Variants in IGSF21 observed in about 807,000 individuals in gnomAD.
IGSF21 encodes the protein immunoglobulin superfamily member 21.
IGSF21 carries 28 observed loss-of-function variants against 46.8 expected under a neutral mutation model. The observed-to-expected ratio is 0.60, with a 90% confidence interval of 0.44 to 0.82. IGSF21 has a LOEUF of 0.82. Ranked by LOEUF, IGSF21 falls within the 40% of genes least tolerant of loss-of-function variation. The pLI, the probability that IGSF21 is intolerant of heterozygous loss-of-function variation, is 0.00. For synonymous variants in IGSF21, 284 were observed against 273.6 expected (o/e 1.04, Z -0.38); for missense variants, 624 against 665.5 (o/e 0.94, Z 0.69).
rs543343217 is a variant in IGSF21 at position 18,115,059 on chromosome 1, T to C, written c.70+6861T>C. On this transcript the variant is annotated intron_variant, in intron 1 of 9. Transcript: ENST00000251296. ...ACTGACATGCCCAGGGTCACACAGC[T>C]TGAGACAAGAGCTCACTGTCTCCCC... The C allele has an allele frequency of 3.3e-5, 5 of 152,448 alleles. No homozygotes were observed. In the East Asian group the frequency reaches 9.6e-4, roughly 29 times the overall value. The allele number at this position is 152,448 out of a possible 1,614,324, so 9.4% of individuals were successfully genotyped here. A position where few individuals can be genotyped will look rare whatever the true frequency, so the allele number is the denominator to read the frequency against.
chr1:18,215,691 A>G (rs929963318), intron 1 of IGSF21, among the ~76,000 whole-genome samples: 1 of 152,170 alleles, frequency 6.6e-6, no homozygotes, highest in Non-Finnish European at 1.5e-5. Flanking sequence ...CTCAGGGTGC[A>G]AAAGATAGAA....
At chr1:18,359,219 T>C (rs851739) in intron 4 of IGSF21, among the ~76,000 whole-genome samples, 124,275 of 142,292 alleles carry the variant, frequency 0.87, 54,194 homozygotes, top group Non-Finnish European at 0.89. Flanking sequence ...TCAAGGCTGC[T>C]GTGAGCCATG....
intron 3 of IGSF21, among the ~76,000 whole-genome samples, chr1:18,296,157 G>T (rs1455247112): frequency 6.6e-6 from 1 of 152,182 alleles, no homozygotes; most frequent in Non-Finnish European, 1.5e-5. Flanking sequence ...GAAGGCACCC[G>T]TATTGGCTTC....
In IGSF21 at chr1:18,378,383, T is replaced by C; in HGVS notation, c.*57T>C. 7.2e-7 allele frequency: 1 copy of C among 1,392,356 alleles called. No homozygotes were observed. The highest frequency in any genetic ancestry group is 1.0e-6 in the Non-Finnish European group (1 of 989,770). The allele number at this position is 1,392,356 out of a possible 1,614,324, so 86.3% of individuals were successfully genotyped here. On this transcript the variant is annotated 3_prime_UTR_variant, in exon 10 of 10. Coordinates refer to ENST00000251296, the MANE Select transcript of IGSF21 (RefSeq NM_032880.5). ...TGACATCTCCACGACCGGTTTTCAT[T>C]TCTTTTCTAAACTATTTCCAGTCTT...
intron 1 of IGSF21, among the ~76,000 whole-genome samples, chr1:18,204,234 T>C (rs936973951): frequency 1.3e-5 from 2 of 152,216 alleles, no homozygotes; most frequent in African/African-American, 4.8e-5. Context: ...ATGAAGAAAC[T>C]GAGCCTTAGA....
intron 1 of IGSF21, among the ~76,000 whole-genome samples, chr1:18,172,271 A>T (rs2086744526): frequency 6.6e-6 from 1 of 152,224 alleles, no homozygotes; most frequent in Non-Finnish European, 1.5e-5. Flanking sequence ...ATACTCTATT[A>T]ATTAAAGTTT....
At chr1:18,267,877 T>C (rs137961813) in intron 2 of IGSF21, among the ~76,000 whole-genome samples, 6 of 152,372 alleles carry the variant, frequency 3.9e-5, no homozygotes, top group East Asian at 1.9e-4. Context: ...CATTCACTCA[T>C]GTATTGTCTG....
chr1:18,257,872 CT>C (rs2084906604), intron 2 of IGSF21, among the ~76,000 whole-genome samples: 1 of 152,204 alleles, frequency 6.6e-6, no homozygotes, highest in Non-Finnish European at 1.5e-5. Context: ...CTCCCTCCCC[CT>C]CATGAACCCT....
At chr1:18,123,071 G>A (rs570466384) in intron 1 of IGSF21, among the ~76,000 whole-genome samples, 1 of 152,210 alleles carries the variant, frequency 6.6e-6, no homozygotes, top group African/African-American at 2.4e-5. Flanking sequence ...AGCAGTTTTG[G>A]ACCCTAGGAT....
At chr1:18,226,931 G>A (rs2084573781) in intron 1 of IGSF21, among the ~76,000 whole-genome samples, 1 of 152,218 alleles carries the variant, frequency 6.6e-6, no homozygotes. Flanking sequence ...CCTCTGGGAT[G>A]GGGCTAGTGG....
chr1:18,326,624 T>A (rs1216739093), intron 3 of IGSF21, among the ~76,000 whole-genome samples: 3 of 152,222 alleles, frequency 2.0e-5, no homozygotes, highest in African/African-American at 7.2e-5. Context: ...ACAAAATGCT[T>A]TTTAAATCGG....
chr1:18,363,666 C>T (rs2086127800), intron 5 of IGSF21, among the ~76,000 whole-genome samples: 1 of 150,402 alleles, frequency 6.6e-6, no homozygotes, highest in Non-Finnish European at 1.5e-5. Context: ...GAGCAATGGG[C>T]AGGGGCACAG....
intron 1 of IGSF21, among the ~76,000 whole-genome samples, chr1:18,222,055 C>A (rs984709057): frequency 6.6e-6 from 1 of 152,086 alleles, no homozygotes; most frequent in Non-Finnish European, 1.5e-5. Flanking sequence ...GTTGCTGAGA[C>A]CAGAACTCAC....
At chr1:18,144,605 G>C (rs1401622551) in intron 1 of IGSF21, among the ~76,000 whole-genome samples, 15 of 152,100 alleles carry the variant, frequency 9.9e-5, no homozygotes, top group Non-Finnish European at 2.2e-4. Flanking sequence ...GTAGTACTAG[G>C]TGACTTGGTC....
intron 1 of IGSF21, among the ~76,000 whole-genome samples, chr1:18,180,856 G>A (rs932721444): frequency 2.6e-5 from 4 of 152,294 alleles, no homozygotes; most frequent in East Asian, 3.9e-4. Flanking sequence ...TAGATAACTC[G>A]TTTGATATCA....
chr1:18,341,011 TCTCTTC>T (rs1398687472), intron 4 of IGSF21, among the ~76,000 whole-genome samples: 2 of 59,196 alleles, frequency 3.4e-5, no homozygotes, highest in African/African-American at 1.6e-4. Context: ...TCCTCCTTCT[TCTCTTC>T]TTCTTCTTCT....
chr1:18,336,380 G>T (rs757278781), intron 4 of IGSF21, among the ~76,000 whole-genome samples: 8 of 152,188 alleles, frequency 5.3e-5, no homozygotes, highest in Non-Finnish European at 7.3e-5. Context: ...ATGTCATTTA[G>T]TCCTCACAAC....
rs565889232 is a variant in IGSF21 at position 18,130,032 on chromosome 1, C to T, written c.70+21834C>T. Among the ~76,000 whole-genome samples the T allele has an allele frequency of 4.3e-4, 65 of 152,264 alleles. No individual in the cohort carries two copies. In the Middle Eastern group the frequency reaches 0.01, roughly 24 times the overall value. On this transcript the variant is annotated intron_variant, in intron 1 of 9. Transcript: ENST00000251296. ...GTTGTGATATTTTGTTAAAGCAGCA[C>T]AAAACAGGCTAAGACAGAGGGGCAG...
At chr1:18,232,920 G>T (rs537824194) in intron 2 of IGSF21, among the ~76,000 whole-genome samples, 2 of 152,286 alleles carry the variant, frequency 1.3e-5, no homozygotes, top group East Asian at 3.9e-4. Flanking sequence ...GATACTCAGG[G>T]GGCTTTGTTA....
Sources: gnomAD v4.1 joint callset for allele counts (sites outside exome capture counted in the v4.1 genomes callset) on GRCh38, gnomAD v4.1.1 for gene constraint, MANE v1.5 for transcripts, NCBI Gene and HGNC (gene_info 2026-07-23, HGNC 2026-07-21) for gene names.